HTT: variants seen among roughly 807,000 people sequenced by gnomAD.
The protein encoded by HTT is huntingtin.
Under a neutral mutation model 362.3 loss-of-function variants are expected in HTT, and 104 were observed. The observed-to-expected ratio is 0.29, with a 90% CI of 0.24 to 0.34. The LOEUF (loss-of-function observed/expected upper bound fraction) is 0.34, where lower values mean the gene tolerates loss of function less well. Ranked by LOEUF, HTT falls within the 10% of genes least tolerant of loss-of-function variation. The probability of loss-of-function intolerance (pLI) is 1.00; values close to 1 mark genes in which losing one functional copy is unlikely to be tolerated. For missense variants in HTT, 3,301 were observed against 3,928.6 expected, an observed-to-expected ratio of 0.84 and a Z score of 4.27; for synonymous variants, 1,577 against 1,548.7, an observed-to-expected ratio of 1.02 and a Z score of -0.43.
intron 56 of HTT, among the ~76,000 whole-genome samples, 156 bp from the exon 57 acceptor site, chr4:3,225,505 C>T (rs1720869731): frequency 6.6e-6 from 1 of 152,256 alleles, no homozygotes; most frequent in Non-Finnish European, 1.5e-5. Context: ...CCAAGACCCA[C>T]AGGGCTCTGC....
chr4:3,167,967 G>A (rs532584519), intron 29 of HTT, among the ~76,000 whole-genome samples: 34 of 152,132 alleles, frequency 2.2e-4, no homozygotes, highest in East Asian at 3.9e-4. Flanking sequence ...TAGCTTTCTC[G>A]CATATCCTTT....
intron 41 of HTT, among the ~76,000 whole-genome samples, chr4:3,201,316 G>A (rs890768786): frequency 2.0e-5 from 3 of 152,144 alleles, no homozygotes; most frequent in African/African-American, 7.2e-5. Flanking sequence ...ATCACCTGAG[G>A]CCAGGACTTC....
At chr4:3,124,527 G>A (rs1285366628) in intron 10 of HTT, among the ~76,000 whole-genome samples, 1 of 152,140 alleles carries the variant, frequency 6.6e-6, no homozygotes, top group Non-Finnish European at 1.5e-5. Flanking sequence ...CTCTCTTCTG[G>A]TGGCAGCCTA....
chr4:3,173,237 A>G, intron 31 of HTT, 106 bp downstream of exon 31: 3 of 835,298 alleles, frequency 3.6e-6, no homozygotes, highest in Non-Finnish European at 3.9e-6. Flanking sequence ...ACATCTTCTA[A>G]TAGTCTGCTG....
At position 3,113,601 on chromosome 4, in the gene HTT, A is replaced by G. The variant is rs1714872467; in HGVS notation, c.748-1703A>G. Among the ~76,000 whole-genome samples, 6 of 152,216 alleles carry G rather than the reference A, an allele frequency of 3.9e-5. No individual in the cohort carries two copies. The South Asian group carries it at 1.2e-3, about 32-fold the overall frequency. ...TTCTTCAGCCTCCCAAAGTGCTGGG[A>G]TTACAGGTGTGAGCCACTGAGCTTG... On this transcript the variant is annotated intron_variant, in intron 6 of 66. Transcript: ENST00000355072.
At chr4:3,094,652 G>A (rs1379075334) in intron 2 of HTT, among the ~76,000 whole-genome samples, 1 of 144,512 alleles carries the variant, frequency 6.9e-6, no homozygotes, top group Non-Finnish European at 1.5e-5. Context: ...CGGACGGGGC[G>A]GGTGGCCGGG....
intron 57 of HTT, 82 bp downstream of exon 57, chr4:3,225,825 T>C: frequency 3.3e-6 from 3 of 903,756 alleles, no homozygotes; most frequent in Non-Finnish European, 5.1e-6. Flanking sequence ...GGAGAAAAGC[T>C]CAGTGCACTT....
chr4:3,182,055 CT>C (rs1440073497), intron 36 of HTT, among the ~76,000 whole-genome samples: 1 of 152,192 alleles, frequency 6.6e-6, no homozygotes, highest in Non-Finnish European at 1.5e-5. Flanking sequence ...CATGTTGTGC[CT>C]TTTCTCTGAT....
In HTT at chr4:3,228,139, G is replaced by A. The variant is rs1721008433; in HGVS notation, c.7849-476G>A. ...AGGCTTCCCGAGAACCAGGCAGAAA[G>A]GAGGACAGTCGAGGTGTGCTGACTG... On this transcript the variant is annotated intron_variant, in intron 57 of 66. Coordinates refer to ENST00000355072, the MANE Select transcript of HTT (RefSeq NM_001388492.1). The surrounding 1 kb of genome is among the most constrained non-coding windows in gnomAD (Gnocchi z 4.3). Among the ~76,000 whole-genome samples the A allele has an allele frequency of 6.6e-6, 1 of 152,204 alleles. No individual in the cohort carries two copies. Among genetic ancestry groups the A allele is most frequent in the African/African-American group, 2.4e-5 (1 of 41,446 alleles).
chr4:3,187,286 G>T (rs1178748891), intron 38 of HTT, among the ~76,000 whole-genome samples: 1 of 151,818 alleles, frequency 6.6e-6, no homozygotes, highest in African/African-American at 2.4e-5. Context: ...CTCCCGAGTA[G>T]CTGGGACTAC....
chr4:3,157,189 C>G lies in HTT; in HGVS notation c.3743C>G (p.Ala1248Gly). ...CATGATGTCCTGAAAGCTACACACG[C>G]TAACTACAAGGTATGGGCCTCTGCA... The part of the protein sequence containing the change: ...KLHDVLKATH[A>G]NYKVTLDLQN... Residue 1248 changes from alanine (A) to glycine (G), a missense_variant, in exon 28 of 67, where the codon GCT becomes GGT. Ala to Gly is a moderately conservative substitution (Grantham distance 60, BLOSUM62 0). This residue lies in a region of HTT where 2,316 missense variants were observed against 2,658.5 expected (regional missense o/e 0.87). Coordinates refer to ENST00000355072, the MANE Select transcript of HTT (RefSeq NM_001388492.1). 1.2e-6 allele frequency: 2 copies of G among 1,613,466 alleles called. No individual in the cohort carries two copies. The highest frequency in any genetic ancestry group is 1.7e-6 in the Non-Finnish European group (2 of 1,179,724).
At chr4:3,196,584 A>G (rs965891586) in intron 40 of HTT, among the ~76,000 whole-genome samples, 1 of 152,028 alleles carries the variant, frequency 6.6e-6, no homozygotes, top group African/African-American at 2.4e-5. Flanking sequence ...TAGAAAATAC[A>G]AAAATTAGCT....
Position 3,187,905 on chromosome 4 carries a change from C to T in HTT, c.5225+19C>T. On this transcript the variant is annotated intron_variant, in intron 39 of 66. Transcript: ENST00000355072. ...TTTCAAGGTATGCTTTCTATCTGAG[C>T]CTATAACTAACCCATGCCTTTTGGG... 1 of 1,465,362 alleles carries T rather than the reference C, an allele frequency of 6.8e-7. No individual in the cohort carries two copies. Among genetic ancestry groups the T allele is most frequent in the South Asian group, 1.2e-5 (1 of 86,898 alleles). The allele number at this position is 1,465,362 out of a possible 1,614,324, so 90.8% of individuals were successfully genotyped here.
In HTT at chr4:3,133,064, G is replaced by A. The variant is rs559587149; in HGVS notation, c.2493+153G>A. Among the ~76,000 whole-genome samples the A allele has an allele frequency of 5.3e-4, 81 of 152,282 alleles. 2 individuals carry two copies. In the South Asian group the frequency reaches 0.014, roughly 26 times the overall value. On this transcript the variant is annotated intron_variant, in intron 18 of 66. Coordinates refer to ENST00000355072, the MANE Select transcript of HTT (RefSeq NM_001388492.1). ...TGTATCCATCTCTCAGCTTTAGAAAGAAAACGTTGCCAGTAAAGTTAATGC... is the reference window on the plus strand; with the variant it reads ...TGTATCCATCTCTCAGCTTTAGAAAAAAAACGTTGCCAGTAAAGTTAATGC...
At chr4:3,152,055 G>C (rs572584114) in intron 26 of HTT, among the ~76,000 whole-genome samples, 6 of 151,418 alleles carry the variant, frequency 4.0e-5, no homozygotes, top group South Asian at 4.2e-4. Context: ...AGCCTTCTCA[G>C]TAGTTGGGAC....
In HTT at chr4:3,164,823, G is replaced by T. The variant is rs540973975; in HGVS notation, c.3864+4431G>T. 5.0e-4 allele frequency among the ~76,000 whole-genome samples: 76 copies of T among 152,196 alleles called. 1 individual carries two copies. The highest frequency in any genetic ancestry group is 1.4e-3 in the African/African-American group (58 of 41,504). On this transcript the variant is annotated intron_variant, in intron 29 of 66. Transcript: ENST00000355072. ...TTTGAGCCAATGAGTGTCTTTGCAT[G>T]TGAGATGGGTCTCCTGAATACAGCA...
chr4:3,096,836 G>A (rs1713880752), intron 2 of HTT, among the ~76,000 whole-genome samples: 1 of 152,218 alleles, frequency 6.6e-6, no homozygotes. Flanking sequence ...GTTACCAGAA[G>A]GGCCAGGTAC....
In HTT at chr4:3,228,710, A is replaced by G. The variant is rs757560613; in HGVS notation, c.7944A>G (p.Ala2648=). 3.1e-6 allele frequency: 5 copies of G among 1,606,664 alleles called. No homozygotes were observed. Among genetic ancestry groups the G allele is most frequent in the Middle Eastern group, 1.7e-4 (1 of 6,018 alleles). Residue 2648 remains alanine, a synonymous_variant, in exon 58 of 67, where the codon GCA becomes GCG. Coordinates refer to ENST00000355072, the MANE Select transcript of HTT (RefSeq NM_001388492.1). The surrounding 1 kb of genome is among the most constrained non-coding windows in gnomAD (Gnocchi z 4.3). ...EEEEEEADAP[A]PSSPPTSPVN... The stretch of plus-strand genomic sequence containing the variant: ...AGGAGGAGGAGGCCGACGCCCCTGC[A>G]CCTTCGTCACCACCCACGTCTCCAG...
intron 9 of HTT, among the ~76,000 whole-genome samples, chr4:3,122,036 T>C (rs1041863736): frequency 5.3e-5 from 8 of 152,190 alleles, no homozygotes; most frequent in African/African-American, 1.7e-4. Flanking sequence ...AGGATCCTCA[T>C]GTTAATTTGC....
Sources: gnomAD v4.1 joint callset for allele counts (sites outside exome capture counted in the v4.1 genomes callset) on GRCh38, gnomAD v4.1.1 for gene constraint, gnomAD v4.1.1 regional missense constraint, Gnocchi (gnomAD v3.1) non-coding constraint, MANE v1.5 for transcripts, NCBI Gene and HGNC (gene_info 2026-07-23, HGNC 2026-07-21) for gene names.